Variants in AUTS2 observed in about 807,000 individuals in gnomAD.
The protein encoded by AUTS2 is activator of transcription and developmental regulator AUTS2.
In AUTS2, 17 loss-of-function variants were observed where a neutral mutation model predicts 112.4. That is an observed-to-expected ratio of 0.15 (90% CI 0.10 to 0.23). The LOEUF is 0.23. Among genes scored for constraint, AUTS2 ranks in the 10% least tolerant of loss-of-function variants. AUTS2 has a pLI of 1.00. For synonymous variants in AUTS2, 751 were observed against 702.7 expected, an observed-to-expected ratio of 1.07 and a Z score of -1.09; for missense variants, 1,510 against 1,701.6, an observed-to-expected ratio of 0.89 and a Z score of 1.98.
chr7:69,876,723 A>G (rs1275643504), intron 1 of AUTS2, among the ~76,000 whole-genome samples: 11 of 151,368 alleles, frequency 7.3e-5, no homozygotes, highest in African/African-American at 1.9e-4. Context: ...AACTTTTACT[A>G]CAGGAATTGA....
chr7:70,380,478 G>A (rs1272690489), intron 4 of AUTS2, among the ~76,000 whole-genome samples: 3 of 152,178 alleles, frequency 2.0e-5, no homozygotes, highest in African/African-American at 4.8e-5. Flanking sequence ...CCCCCTTTCC[G>A]CTGGCAGAGC....
At chr7:69,945,713 C>G (rs374538006) in intron 2 of AUTS2, among the ~76,000 whole-genome samples, 1 of 151,992 alleles carries the variant, frequency 6.6e-6, no homozygotes, top group Non-Finnish European at 1.5e-5. Flanking sequence ...CAGTAATCAC[C>G]GTGACTGTAC....
intron 1 of AUTS2, among the ~76,000 whole-genome samples, chr7:69,637,017 G>A (rs1001914697): frequency 2.0e-5 from 3 of 152,018 alleles, no homozygotes; most frequent in Non-Finnish European, 4.4e-5. Context: ...CACCTGCCTC[G>A]GCCTCCCAAA....
chr7:70,301,720 C>T (rs1388877731), intron 4 of AUTS2, among the ~76,000 whole-genome samples: 1 of 135,984 alleles, frequency 7.4e-6, no homozygotes, highest in African/African-American at 2.9e-5. Flanking sequence ...CACAAACATA[C>T]ATTTAAAAAA....
At chr7:69,938,245 C>T (rs1056110752) in intron 2 of AUTS2, among the ~76,000 whole-genome samples, 1 of 152,166 alleles carries the variant, frequency 6.6e-6, no homozygotes, top group Admixed American at 6.5e-5. Flanking sequence ...AGGCATTCCT[C>T]TTTCCAGGTG....
intron 1 of AUTS2, among the ~76,000 whole-genome samples, chr7:69,835,127 C>T (rs1010676357): frequency 6.6e-6 from 1 of 151,780 alleles, no homozygotes; most frequent in African/African-American, 2.4e-5. Flanking sequence ...CTTTTATGCT[C>T]GTTTTTAATC....
intron 6 of AUTS2, among the ~76,000 whole-genome samples, chr7:70,716,067 G>T (rs1810348101): frequency 6.6e-6 from 1 of 152,216 alleles, no homozygotes; most frequent in African/African-American, 2.4e-5. Context: ...AACCCATTTG[G>T]AATTAATCGA....
intron 4 of AUTS2, chr7:70,293,112 G>C (rs917684487): frequency 1.3e-5 from 2 of 152,206 alleles, no homozygotes; most frequent in African/African-American, 4.8e-5. Flanking sequence ...CACAAGCCCT[G>C]ATCTCATCTC....
At chr7:70,605,528 C>T (rs1000092079) in intron 5 of AUTS2, among the ~76,000 whole-genome samples, 66 of 98,514 alleles carry the variant, frequency 6.7e-4, no homozygotes, top group South Asian at 1.0e-3. Flanking sequence ...TTTTTTCTTT[C>T]TTTCTTTCCT....
chr7:70,511,590 T>A (rs1435068139), intron 5 of AUTS2, among the ~76,000 whole-genome samples: 84 of 123,414 alleles, frequency 6.8e-4, no homozygotes, highest in African/African-American at 2.1e-3. Flanking sequence ...TTTTTTTTTT[T>A]ATTGAGACAG....
chr7:69,618,224 G>T (rs1248518520), intron 1 of AUTS2, among the ~76,000 whole-genome samples: 1 of 152,172 alleles, frequency 6.6e-6, no homozygotes, highest in African/African-American at 2.4e-5. Context: ...AAACTAATTG[G>T]AATATGCTCC....
Position 70,268,093 on chromosome 7 carries a change from C to T in AUTS2, c.660+133522C>T, listed in dbSNP as rs139795478. On this transcript the variant is annotated intron_variant, in intron 4 of 18. Transcript: ENST00000342771. ...CATCTATTGCTGGGAACTTCAGTAT[C>T]AATGGTGAATTGAAGATACTGTGTT... is the stretch of plus-strand genomic sequence containing the variant. Among the ~76,000 whole-genome samples, 1,303 of 152,310 alleles carry T rather than the reference C, an allele frequency of 8.6e-3. 13 individuals carry two copies. Among genetic ancestry groups the T allele is most frequent in the Middle Eastern group, 0.02 (6 of 294 alleles).
chr7:69,950,272 A>G (rs1346825258), intron 2 of AUTS2, among the ~76,000 whole-genome samples: 1 of 152,162 alleles, frequency 6.6e-6, no homozygotes, highest in African/African-American at 2.4e-5. Context: ...AAGGCTCAGA[A>G]AATCAGACTT....
At chr7:70,512,385 T>C (rs1799232007) in intron 5 of AUTS2, among the ~76,000 whole-genome samples, 1 of 152,134 alleles carries the variant, frequency 6.6e-6, no homozygotes, top group Non-Finnish European at 1.5e-5. Flanking sequence ...AGTGTGAAAT[T>C]CTTTGGAGTT....
At chr7:70,168,369 T>C (rs1401967936) in intron 4 of AUTS2, among the ~76,000 whole-genome samples, 1 of 152,246 alleles carries the variant, frequency 6.6e-6, no homozygotes, top group Non-Finnish European at 1.5e-5. Context: ...CAGGCTGGAA[T>C]GCAGTGGCGT....
At chr7:70,453,150 G>T (rs966695671) in intron 5 of AUTS2, among the ~76,000 whole-genome samples, 4 of 152,150 alleles carry the variant, frequency 2.6e-5, no homozygotes, top group African/African-American at 9.7e-5. Flanking sequence ...CAGGATAAGG[G>T]CACCATGGGT....
intron 5 of AUTS2, chr7:70,695,113 G>A (rs930177513): frequency 4.3e-4 from 65 of 152,308 alleles, no homozygotes; most frequent in Non-Finnish European, 7.8e-4. Flanking sequence ...CGGCCGGATC[G>A]GGGGTCTTTT....
rs375107133 is a variant in AUTS2 at position 70,578,825 on chromosome 7, G to C, written c.691-119744G>C. On this transcript the variant is annotated intron_variant, in intron 5 of 18. Transcript: ENST00000342771. ...ATTCATTTTCCCTGGGTCCTTCTTT[G>C]GTTAAGCATGTTGCTAGCTATAGCC... Among the ~76,000 whole-genome samples, 37 of 151,820 alleles carry C rather than the reference G, an allele frequency of 2.4e-4. 1 individual carries two copies. Among genetic ancestry groups the C allele is most frequent in the African/African-American group, 8.7e-4 (36 of 41,334 alleles).
At chr7:70,442,345 G>A (rs1247199884) in intron 5 of AUTS2, among the ~76,000 whole-genome samples, 2 of 152,000 alleles carry the variant, frequency 1.3e-5, no homozygotes, top group Non-Finnish European at 2.9e-5. Flanking sequence ...TCTACTTCCT[G>A]GACCCCCAAA....
Sources: allele counts gnomAD v4.1 joint callset (sites outside exome capture counted in the v4.1 genomes callset), GRCh38; gene constraint gnomAD v4.1.1; transcripts MANE v1.5; gene names NCBI Gene and HGNC (gene_info 2026-07-23, HGNC 2026-07-21).